Variants in MAST4 observed in about 807,000 individuals in gnomAD.
MAST4 encodes microtubule associated serine/threonine kinase family member 4.
MAST4 carries 89 observed loss-of-function variants against 162.7 expected under a neutral mutation model. The ratio of observed to expected loss-of-function variants is 0.55; its 90% confidence interval spans 0.46 to 0.65. MAST4 has a LOEUF of 0.65. Ranked by LOEUF, MAST4 falls within the 30% of genes least tolerant of loss-of-function variation. MAST4 has a pLI of 0.00. For missense variants in MAST4, 3,153 were observed against 3,374.0 expected (o/e 0.93, Z 1.62); for synonymous variants, 1,479 against 1,361.1 (o/e 1.09, Z -1.91).
chr5:66,650,636 G>A (rs982807285), intron 1 of MAST4, among the ~76,000 whole-genome samples: 2 of 152,152 alleles, frequency 1.3e-5, no homozygotes, highest in African/African-American at 4.8e-5. Flanking sequence ...TGCCATGTAA[G>A]TTCCTGAAAA....
chr5:66,955,408 CAG>C (rs1486338797), intron 4 of MAST4, among the ~76,000 whole-genome samples: 2 of 151,870 alleles, frequency 1.3e-5, no homozygotes, highest in African/African-American at 4.8e-5. Context: ...TGAGGAGTGT[CAG>C]GGAGGGAGCT....
At position 66,976,071 on chromosome 5, in the gene MAST4, G is replaced by A. The variant is rs145006982; in HGVS notation, c.674+76089G>A. Reference sequence around the variant, plus strand: ...GTATCCATGTGTCTGTCTGTGCATGGAGAAGAGAATCCCTTGCCATGTAGT... The same window carrying A: ...GTATCCATGTGTCTGTCTGTGCATGAAGAAGAGAATCCCTTGCCATGTAGT... On this transcript the variant is annotated intron_variant, in intron 4 of 28. Coordinates refer to ENST00000403625, the MANE Select transcript of MAST4 (RefSeq NM_001164664.2). Among the ~76,000 whole-genome samples the A allele has an allele frequency of 2.7e-3, 413 of 152,320 alleles. 3 individuals carry two copies. The highest frequency in any genetic ancestry group is 9.6e-3 in the African/African-American group (399 of 41,570).
chr5:66,963,257 G>C (rs954693810), intron 4 of MAST4, among the ~76,000 whole-genome samples: 2 of 152,202 alleles, frequency 1.3e-5, no homozygotes, highest in African/African-American at 4.8e-5. Flanking sequence ...AGGAAGACTT[G>C]TTTTTCCTTG....
chr5:66,968,593 AATAT>A (rs1747033969), intron 4 of MAST4, among the ~76,000 whole-genome samples: 1 of 152,162 alleles, frequency 6.6e-6, no homozygotes, highest in Non-Finnish European at 1.5e-5. Flanking sequence ...AGGCCCCATA[AATAT>A]ATATTGATTT....
intron 4 of MAST4, among the ~76,000 whole-genome samples, chr5:66,940,557 GA>G (rs571233148): frequency 4.2e-4 from 64 of 152,222 alleles, no homozygotes; most frequent in African/African-American, 1.4e-3. Context: ...TCATCCATAA[GA>G]AGCAACTCTT....
chr5:67,131,698 T>C (rs1768988345), intron 15 of MAST4, 115 bp from the exon 16 acceptor site: 2 of 982,666 alleles, frequency 2.0e-6, no homozygotes, highest in South Asian at 1.7e-5. Context: ...GTTGTGACTA[T>C]GATATGCTGT....
intron 23 of MAST4, 150 bp downstream of exon 23, chr5:67,145,529 A>G: frequency 1.5e-6 from 1 of 650,964 alleles, no homozygotes; most frequent in Non-Finnish European, 2.6e-6. Flanking sequence ...GGCTTGGGAC[A>G]CGATCTTCTG....
At chr5:66,849,143 G>T (rs1407077614) in intron 3 of MAST4, among the ~76,000 whole-genome samples, 3 of 152,146 alleles carry the variant, frequency 2.0e-5, no homozygotes, top group African/African-American at 7.2e-5. Flanking sequence ...TGATGAGGGG[G>T]TCATAAGCCA....
At chr5:66,788,607 C>CCCAACCAAAAA in intron 2 of MAST4, 63 bp from the exon 3 acceptor site, 1 of 1,373,728 alleles carries the variant, frequency 7.3e-7, no homozygotes, top group Non-Finnish European at 1.0e-6. Flanking sequence ...CCCCCACCCC[C>CCCAACCAAAAA]ATTGCAATAA....
At position 67,079,612 on chromosome 5, in the gene MAST4, T is replaced by C. The variant is rs576605992; in HGVS notation, c.764-10550T>C. 6.8e-4 allele frequency among the ~76,000 whole-genome samples: 103 copies of C among 152,324 alleles called. 1 individual carries two copies. The South Asian group carries it at 0.021, about 31-fold the overall frequency. ...TTTTTTGGCTTTATCGTATGTCTAC[T>C]TGAATCATTTGAATTTTTTTCCATG... On this transcript the variant is annotated intron_variant, in intron 5 of 28. Transcript: ENST00000403625.
At chr5:66,873,015 G>A (rs560714065) in intron 3 of MAST4, among the ~76,000 whole-genome samples, 5 of 152,154 alleles carry the variant, frequency 3.3e-5, no homozygotes, top group African/African-American at 4.8e-5. Flanking sequence ...TCTACTGGTG[G>A]TGAGAGTCTT....
intron 4 of MAST4, among the ~76,000 whole-genome samples, chr5:66,983,453 CCT>C (rs759781161): frequency 3.0e-4 from 45 of 152,238 alleles, no homozygotes; most frequent in Non-Finnish European, 5.6e-4. Flanking sequence ...TTTTAGTATG[CCT>C]GGATCTCCCT....
intron 8 of MAST4, among the ~76,000 whole-genome samples, chr5:67,101,357 T>A (rs1250330964): frequency 6.6e-6 from 1 of 152,106 alleles, no homozygotes; most frequent in Admixed American, 6.5e-5. Flanking sequence ...AGTCACTGGG[T>A]CCCTCACTGG....
chr5:67,142,597 T>C (rs1770531599), intron 21 of MAST4, 64 bp downstream of exon 21: 2 of 1,092,632 alleles, frequency 1.8e-6, no homozygotes, highest in Admixed American at 4.1e-5. Flanking sequence ...GGCCAGATAG[T>C]ATCCCCGAAC....
At chr5:67,045,223 T>A (rs1443649492) in intron 4 of MAST4, among the ~76,000 whole-genome samples, 1 of 152,234 alleles carries the variant, frequency 6.6e-6, no homozygotes, top group Non-Finnish European at 1.5e-5. Context: ...TAAAATATAA[T>A]CCTTGTTATC....
intron 1 of MAST4, among the ~76,000 whole-genome samples, chr5:66,626,470 A>G (rs900508427): frequency 2.0e-5 from 3 of 152,212 alleles, no homozygotes; most frequent in Non-Finnish European, 4.4e-5. Context: ...CTTCCGCTGC[A>G]CTGTTAGTAC....
intron 3 of MAST4, among the ~76,000 whole-genome samples, chr5:66,793,353 A>G (rs971353958): frequency 3.3e-5 from 5 of 152,200 alleles, no homozygotes; most frequent in African/African-American, 1.2e-4. Context: ...TGTATACTTC[A>G]TATACATTAA....
chr5:67,045,670 G>T (rs756727481), intron 4 of MAST4, among the ~76,000 whole-genome samples: 12 of 152,162 alleles, frequency 7.9e-5, no homozygotes, highest in Non-Finnish European at 1.5e-4. Context: ...TTTCATTGGG[G>T]CTAAGTTTGA....
At chr5:66,893,540 G>A (rs1762495439) in intron 3 of MAST4, among the ~76,000 whole-genome samples, 1 of 151,982 alleles carries the variant, frequency 6.6e-6, no homozygotes, top group African/African-American at 2.4e-5. Flanking sequence ...GGTTTATTTT[G>A]CTTAACTTGA....
Sources: allele counts gnomAD v4.1 joint callset (sites outside exome capture counted in the v4.1 genomes callset), GRCh38; gene constraint gnomAD v4.1.1; transcripts MANE v1.5; gene names NCBI Gene and HGNC (gene_info 2026-07-23, HGNC 2026-07-21).